Variants in NFIB observed in about 807,000 individuals in gnomAD.
NFIB encodes nuclear factor 1 B-type.
NFIB carries 11 observed loss-of-function variants against 61.5 expected under a neutral mutation model. That is an observed-to-expected ratio of 0.18 (90% CI 0.11 to 0.30). The LOEUF is 0.30. Among genes scored for constraint, NFIB ranks in the 10% least tolerant of loss-of-function variants. The pLI, the probability that NFIB is intolerant of heterozygous loss-of-function variation, is 1.00. For missense variants in NFIB, 471 were observed against 608.9 expected (o/e 0.77, Z 2.38); for synonymous variants, 260 against 216.5 (o/e 1.20, Z -1.76).
chr9:14,431,953 G>A, the NFIB span, among the ~76,000 whole-genome samples: 2 of 152,178 alleles, frequency 1.3e-5, no homozygotes, highest in African/African-American at 2.4e-5. Context: ...ATGGGTTGGT[G>A]GAAGTAGCCA....
intron 2 of NFIB, among the ~76,000 whole-genome samples, chr9:14,306,582 A>G (rs2060030511): frequency 6.6e-6 from 1 of 152,148 alleles, no homozygotes; most frequent in South Asian, 2.1e-4. Context: ...ATTATCTAGG[A>G]TGGTTTGGCT....
At chr9:14,347,158 A>G (rs1195084995) in intron 1 of NFIB, among the ~76,000 whole-genome samples, 2 of 152,086 alleles carry the variant, frequency 1.3e-5, no homozygotes, top group Non-Finnish European at 2.9e-5. Flanking sequence ...TCTTAAAAAA[A>G]AAAAAAAAAT....
intron 2 of NFIB, among the ~76,000 whole-genome samples, chr9:14,194,704 A>C (rs2048296396): frequency 6.6e-6 from 1 of 152,178 alleles, no homozygotes; most frequent in Admixed American, 6.6e-5. Flanking sequence ...CATTATACTA[A>C]GCAGATAGCA....
chr9:14,513,014 T>C, the NFIB span, among the ~76,000 whole-genome samples: 4 of 152,048 alleles, frequency 2.6e-5, no homozygotes, highest in Non-Finnish European at 5.9e-5. Flanking sequence ...TTAGGTTTTG[T>C]ATTTCTAGAC....
chr9:14,292,881 C>T (rs10961466), intron 2 of NFIB, among the ~76,000 whole-genome samples: 36,391 of 151,908 alleles, frequency 0.24, 4,953 homozygotes, highest in Middle Eastern at 0.31. Flanking sequence ...TATGTCCATA[C>T]GCAGATATGT....
At chr9:14,247,460 C>T (rs2055063068) in intron 2 of NFIB, among the ~76,000 whole-genome samples, 1 of 152,128 alleles carries the variant, frequency 6.6e-6, no homozygotes, top group Non-Finnish European at 1.5e-5. Context: ...GAAAAAAGGA[C>T]TACTCCATTT....
At chr9:14,353,143 G>C (rs556895933) in intron 1 of NFIB, among the ~76,000 whole-genome samples, 10 of 152,262 alleles carry the variant, frequency 6.6e-5, no homozygotes, top group Admixed American at 6.5e-4. Flanking sequence ...CTGTCCCTTT[G>C]GGTAGGTAGC....
At chr9:14,287,508 C>T (rs2038661965) in intron 2 of NFIB, among the ~76,000 whole-genome samples, 1 of 151,986 alleles carries the variant, frequency 6.6e-6, no homozygotes, top group African/African-American at 2.4e-5. Flanking sequence ...ACTGCAACCT[C>T]TGCCTCCCGG....
chr9:14,326,905 TC>T (rs2060760593), intron 1 of NFIB, among the ~76,000 whole-genome samples: 1 of 152,194 alleles, frequency 6.6e-6, no homozygotes, highest in Non-Finnish European at 1.5e-5. Context: ...CAATTAATCT[TC>T]CTATCTTGCT....
chr9:14,240,838 G>A (rs945673843), intron 2 of NFIB, among the ~76,000 whole-genome samples: 21 of 152,284 alleles, frequency 1.4e-4, no homozygotes, highest in Admixed American at 1.2e-3. Flanking sequence ...ACAGAAAGCA[G>A]ACAAACTCTC....
chr9:14,239,265 CA>C (rs931675312), intron 2 of NFIB, among the ~76,000 whole-genome samples: 5 of 152,160 alleles, frequency 3.3e-5, no homozygotes, highest in Non-Finnish European at 7.4e-5. Flanking sequence ...AAGAAAATAA[CA>C]CATAAATCCC....
At chr9:14,118,658 G>A (rs2038491846) in intron 8 of NFIB, among the ~76,000 whole-genome samples, 1 of 151,900 alleles carries the variant, frequency 6.6e-6, no homozygotes, top group African/African-American at 2.4e-5. Flanking sequence ...AAAGAGAGAT[G>A]TCTTGTCTGA....
intron 1 of NFIB, among the ~76,000 whole-genome samples, chr9:14,329,187 G>C (rs1310180993): frequency 3.9e-5 from 6 of 152,190 alleles, no homozygotes; most frequent in African/African-American, 1.4e-4. Context: ...AAAGTTCAGA[G>C]AGGTAAAGTG....
intron 2 of NFIB, among the ~76,000 whole-genome samples, chr9:14,295,238 G>A (rs1017607113): frequency 2.0e-5 from 3 of 152,136 alleles, no homozygotes; most frequent in African/African-American, 7.2e-5. Context: ...CTGATTAAAC[G>A]GTTTGAGGTT....
chr9:14,302,888 T>C (rs991752842), intron 2 of NFIB, among the ~76,000 whole-genome samples: 3 of 152,230 alleles, frequency 2.0e-5, no homozygotes, highest in African/African-American at 7.2e-5. Context: ...ATTAACGAGA[T>C]AACGGTGGTT....
the NFIB span, among the ~76,000 whole-genome samples, chr9:14,449,398 C>G: frequency 6.6e-6 from 1 of 152,162 alleles, no homozygotes; most frequent in Non-Finnish European, 1.5e-5. Flanking sequence ...GGCTTCAGGA[C>G]TTTAAACATC....
chr9:14,155,102 G>A (rs1447880673), intron 4 of NFIB, among the ~76,000 whole-genome samples: 1 of 152,136 alleles, frequency 6.6e-6, no homozygotes, highest in Non-Finnish European at 1.5e-5. Context: ...TCAGTGAAGG[G>A]AGTATGAAGA....
chr9:14,100,196 G>A (rs2035530990), intron 10 of NFIB, among the ~76,000 whole-genome samples: 1 of 152,148 alleles, frequency 6.6e-6, no homozygotes, highest in Non-Finnish European at 1.5e-5. Flanking sequence ...TGAGAGGGAA[G>A]AAACATTTTA....
At chr9:14,319,684 T>G (rs2060620191) in intron 1 of NFIB, among the ~76,000 whole-genome samples, 1 of 152,208 alleles carries the variant, frequency 6.6e-6, no homozygotes, top group South Asian at 2.1e-4. Flanking sequence ...TATAGAAAGC[T>G]CTGTCCAAAA....
Sources: allele counts gnomAD v4.1 joint callset (sites outside exome capture counted in the v4.1 genomes callset), GRCh38; gene constraint gnomAD v4.1.1; transcripts MANE v1.5; gene names NCBI Gene and HGNC (gene_info 2026-07-23, HGNC 2026-07-21).